The following ANKRD35 variants were observed in gnomAD, a reference collection of about 807,000 sequenced individuals.
ANKRD35 encodes ankyrin repeat domain 35.
In ANKRD35, 102 loss-of-function variants were observed where a neutral mutation model predicts 109.9. That is an observed-to-expected ratio of 0.93 (90% CI 0.79 to 1.09). The LOEUF (loss-of-function observed/expected upper bound fraction) is 1.09. Among genes scored for constraint, ANKRD35 ranks in the 50% least tolerant of loss-of-function variants. ANKRD35 has a pLI of 0.00. For missense variants in ANKRD35, 1,240 were observed against 1,230.1 expected (o/e 1.01, Z -0.12); for synonymous variants, 515 against 512.4 (o/e 1.01, Z -0.07).
chr1:145,882,529 G>A (rs963566462), intron 1 of ANKRD35, among the ~76,000 whole-genome samples: 1 of 149,458 alleles, frequency 6.7e-6, no homozygotes, highest in East Asian at 2.0e-4. Flanking sequence ...CTGGGCTCAA[G>A]TGATCCTCCG....
At chr1:145,871,121 T>TTTTC (rs146033160) in intron 10 of ANKRD35, among the ~76,000 whole-genome samples, 13 of 112,334 alleles carry the variant, frequency 1.2e-4, no homozygotes, top group Admixed American at 2.1e-4. Context: ...TTCAAGCTTT[T>TTTTC]TTTCTTTCTT....
chr1:145,869,791 G>A (rs1347295335), intron 10 of ANKRD35, among the ~76,000 whole-genome samples: 2 of 152,054 alleles, frequency 1.3e-5, no homozygotes, highest in Admixed American at 6.5e-5. Flanking sequence ...TATAATCTAC[G>A]TTTTGTAGAT....
In ANKRD35 at chr1:145,868,419, A is replaced by G; in HGVS notation, c.2788-19T>C. On this transcript the variant is annotated intron_variant, in intron 10 of 13. Coordinates refer to ENST00000355594, the MANE Select transcript of ANKRD35 (RefSeq NM_144698.5). ...CCTTGATCTGAGGCCAAGAGGAAAG[A>G]GGCAACCAATGAGGCTCCAAGTCAT... 1 of 1,612,648 alleles carries G rather than the reference A, an allele frequency of 6.2e-7. No individual in the cohort carries two copies. The highest frequency in any genetic ancestry group is 8.5e-7 in the Non-Finnish European group (1 of 1,178,680).
intron 8 of ANKRD35, among the ~76,000 whole-genome samples, 200 bp from the exon 9 acceptor site, chr1:145,874,392 G>C (rs1442779839): frequency 6.6e-6 from 1 of 152,138 alleles, no homozygotes; most frequent in Non-Finnish European, 1.5e-5. Flanking sequence ...TCCCAGAAAT[G>C]GGCCACTTCA....
At chr1:145,883,140 G>A (rs978835344) in intron 1 of ANKRD35, among the ~76,000 whole-genome samples, 2 of 141,808 alleles carry the variant, frequency 1.4e-5, no homozygotes, top group Middle Eastern at 4.0e-3. Context: ...GCTGGAGTGC[G>A]ATGGCACCAT....
In ANKRD35 at chr1:145,879,294, G is replaced by A. The variant is rs1553740700; in HGVS notation, c.134C>T (p.Ala45Val). The change falls in exon 2 of 14, where the codon GCC (alanine) becomes GTC (valine). Residue 45 changes from alanine to valine, a missense_variant. Physicochemically the swap from Ala to Val is moderately conservative, Grantham distance 64. Transcript: ENST00000355594. ...RVAALASRKSARPTKLDSNGQ... is the reference protein window; with the variant it reads ...RVAALASRKSVRPTKLDSNGQ... ...ATTCGAGTCAAGCTTGGTGGGTCGG[G>A]CAGATTTCCTGGAGGCCAGGGCAGC... 2 of 1,611,470 alleles carry A rather than the reference G, an allele frequency of 1.2e-6. No individual in the cohort carries two copies. Among genetic ancestry groups the A allele is most frequent in the South Asian group, 1.1e-5 (1 of 90,582 alleles).
intron 3 of ANKRD35, 126 bp from the exon 4 acceptor site, chr1:145,878,158 G>A: frequency 9.7e-7 from 1 of 1,025,774 alleles, no homozygotes; most frequent in African/African-American, 1.6e-5. Context: ...AGCCACACGG[G>A]GCCAGAAATT....
chr1:145,868,888 G>A (rs1402755325), intron 10 of ANKRD35, among the ~76,000 whole-genome samples: 4 of 152,098 alleles, frequency 2.6e-5, no homozygotes, highest in East Asian at 1.9e-4. Context: ...GCCCCATTTC[G>A]TAGATAAAGG....
rs140831880 is a variant in ANKRD35 at position 145,873,529 on chromosome 1, A to T, written c.1240T>A (p.Tyr414Asn). 4.7e-5 allele frequency: 76 copies of T among 1,613,750 alleles called. No homozygotes were observed. Among genetic ancestry groups the T allele is most frequent in the Non-Finnish European group, 6.1e-5 (72 of 1,179,968 alleles). ...AEDSAPGKIQYEVHGRSQPEE... is the reference protein window; with the variant it reads ...AEDSAPGKIQNEVHGRSQPEE... ...GGTTGGGACCTTCCATGGACTTCATACTGGATCTTTCCTGGGGCTGAGTCC... is the reference window on the plus strand; with the variant it reads ...GGTTGGGACCTTCCATGGACTTCATTCTGGATCTTTCCTGGGGCTGAGTCC... The change falls in exon 10 of 14, where the codon TAT becomes AAT. Residue 414 changes from tyrosine to asparagine, a missense_variant. Physicochemically the swap from Tyr to Asn is moderately radical, Grantham distance 143 (BLOSUM62 -2). Transcript: ENST00000355594.
chr1:145,875,839 A>G (rs1654050293), intron 7 of ANKRD35, among the ~76,000 whole-genome samples: 1 of 152,160 alleles, frequency 6.6e-6, no homozygotes, highest in African/African-American at 2.4e-5. Flanking sequence ...TTCTACATAC[A>G]TTTTTTATTG....
At chr1:145,877,055 A>C (rs1654108108) in intron 4 of ANKRD35, among the ~76,000 whole-genome samples, 182 bp from the exon 5 acceptor site, 1 of 152,188 alleles carries the variant, frequency 6.6e-6, no homozygotes, top group Non-Finnish European at 1.5e-5. Context: ...CTTGAATATC[A>C]GCCCTGGTTT....
chr1:145,884,425 T>C (rs1654403564), intron 1 of ANKRD35, among the ~76,000 whole-genome samples: 1 of 152,250 alleles, frequency 6.6e-6, no homozygotes, highest in Non-Finnish European at 1.5e-5. Context: ...AATGAGCTAA[T>C]TGAACATTTC....
At chr1:145,884,582 T>C (rs776236859) in intron 1 of ANKRD35, among the ~76,000 whole-genome samples, 1 of 151,942 alleles carries the variant, frequency 6.6e-6, no homozygotes, top group African/African-American at 2.4e-5. Flanking sequence ...CTGTAAGAGA[T>C]CTCTAGAGAA....
At chr1:145,874,579 A>G (rs781964744) in intron 8 of ANKRD35, among the ~76,000 whole-genome samples, 4 of 152,230 alleles carry the variant, frequency 2.6e-5, no homozygotes, top group African/African-American at 4.8e-5. Context: ...ACAACTCACA[A>G]ACGCCAGAAA....
intron 10 of ANKRD35, 141 bp from the exon 11 acceptor site, chr1:145,868,541 T>A (rs1045741262): frequency 2.9e-6 from 2 of 689,970 alleles, no homozygotes; most frequent in Non-Finnish European, 4.9e-6. Context: ...AAACAGCTTT[T>A]CTTCTGTGTG....
chr1:145,878,324 A>C (rs1450383027), intron 3 of ANKRD35, 67 bp downstream of exon 3: 7 of 1,476,868 alleles, frequency 4.7e-6, no homozygotes, highest in Non-Finnish European at 6.5e-6. Flanking sequence ...AGGGCCCAGC[A>C]CCGCCCCCGA....
chr1:145,872,813 C>T lies in ANKRD35; in HGVS notation c.1956G>A (p.Leu652=), dbSNP rs995179383. The T allele has an allele frequency of 4.3e-6, 7 of 1,613,924 alleles. No homozygotes were observed. In the African/African-American group the frequency reaches 5.3e-5, roughly 12 times the overall value. ...GTGGCTTGGGCACAAACTCCCGCTGCAGCCGCTGGCTCAGGGACTGTAGCT... is the reference window on the plus strand; with the variant it reads ...GTGGCTTGGGCACAAACTCCCGCTGTAGCCGCTGGCTCAGGGACTGTAGCT... ...QRELQSLSQR[L]QREFVPKPQA... The change falls in exon 10 of 14, where the codon CTG becomes CTA. Residue 652 remains leucine, a synonymous_variant. Transcript: ENST00000355594.
Position 145,873,704 on chromosome 1 carries a change from T to G in ANKRD35, c.1065A>C (p.Ser355=). ...GCCGGAGACTAGAGCCTTGCTTTCC[T>G]GAAGCTCTGGGCTCCCAGGATAGGA... is the stretch of plus-strand genomic sequence containing the variant. ...GVLLSWEPRA[S]GKQGSSLRPG... Residue 355 remains serine (S), a synonymous_variant, in exon 10 of 14, where the codon TCA becomes TCC. Coordinates refer to ENST00000355594, the MANE Select transcript of ANKRD35 (RefSeq NM_144698.5). 6.2e-7 allele frequency: 1 copy of G among 1,614,048 alleles called. No homozygotes were observed. The highest frequency in any genetic ancestry group is 8.5e-7 in the Non-Finnish European group (1 of 1,179,944).
chr1:145,884,828 A>G (rs1422328349), intron 1 of ANKRD35, among the ~76,000 whole-genome samples: 1 of 152,208 alleles, frequency 6.6e-6, no homozygotes, highest in Non-Finnish European at 1.5e-5. Flanking sequence ...AAAGGCCTTG[A>G]GCCTTGACTG....
Sources: allele counts gnomAD v4.1 joint callset (sites outside exome capture counted in the v4.1 genomes callset), GRCh38; gene constraint gnomAD v4.1.1; transcripts MANE v1.5; gene names NCBI Gene and HGNC (gene_info 2026-07-23, HGNC 2026-07-21).